The following MARCHF3 variants were observed in gnomAD, a reference collection of about 807,000 sequenced individuals.
MARCHF3 encodes the protein E3 ubiquitin-protein ligase MARCHF3.
A neutral mutation model predicts 24.2 loss-of-function variants in MARCHF3; 13 were observed. The observed-to-expected ratio is 0.54, with a 90% CI of 0.35 to 0.85. The LOEUF (loss-of-function observed/expected upper bound fraction) is 0.85, where lower values mean the gene tolerates loss of function less well. Among genes scored for constraint, MARCHF3 ranks in the 40% least tolerant of loss-of-function variants. MARCHF3 has a pLI of 0.01. For missense variants in MARCHF3, 276 were observed against 325.0 expected, an observed-to-expected ratio of 0.85 and a Z score of 1.16; for synonymous variants, 144 against 137.3, an observed-to-expected ratio of 1.05 and a Z score of -0.34.
In MARCHF3 at chr5:126,869,614, A is replaced by C. The variant is rs1752896491; in HGVS notation, c.*1019T>G. On this transcript the variant is annotated 3_prime_UTR_variant, in exon 5 of 5. Coordinates refer to ENST00000308660, the MANE Select transcript of MARCHF3 (RefSeq NM_178450.5). ...TTTTTTTTTTTTTTTTGCCACATCTACCTGTCAAGCTAGAAATTCAATAGA... is the reference window on the plus strand; with the variant it reads ...TTTTTTTTTTTTTTTTGCCACATCTCCCTGTCAAGCTAGAAATTCAATAGA... 9.6e-6 allele frequency: 1 copy of C among 103,932 alleles called. No individual in the cohort carries two copies. Among genetic ancestry groups the C allele is most frequent in the African/African-American group, 4.3e-5 (1 of 23,466 alleles). 6.4% of individuals were successfully genotyped at this position (103,932 alleles called of 1,614,324 possible). A position where few individuals can be genotyped will look rare whatever the true frequency, so the allele number is the denominator to read the frequency against.
intron 3 of MARCHF3, among the ~76,000 whole-genome samples, chr5:126,910,893 C>T (rs1359028299): frequency 1.3e-5 from 2 of 152,218 alleles, no homozygotes; most frequent in Non-Finnish European, 2.9e-5. Context: ...AGAAATATCG[C>T]TGAATTCTTT....
At chr5:126,997,942 T>A (rs564960306) in intron 1 of MARCHF3, among the ~76,000 whole-genome samples, 2 of 152,160 alleles carry the variant, frequency 1.3e-5, no homozygotes, top group Non-Finnish European at 2.9e-5. Flanking sequence ...AAAGAAAATA[T>A]TGAAGCACTT....
chr5:126,956,832 G>T (rs1041366347), intron 1 of MARCHF3, among the ~76,000 whole-genome samples: 6 of 152,060 alleles, frequency 3.9e-5, no homozygotes, highest in African/African-American at 1.4e-4. Context: ...ATCAGTAGTT[G>T]AACGAAACTG....
intron 3 of MARCHF3, among the ~76,000 whole-genome samples, chr5:126,908,793 C>G (rs4448052): frequency 0.99 from 149,538 of 151,660 alleles, 73,773 homozygotes; most frequent in South Asian, 1. Flanking sequence ...AGAGTAATTC[C>G]ATCGTCTGAA....
rs1455773033 is a variant in MARCHF3, at chr5:127,012,543, A to T, written c.-57+17807T>A. Among the ~76,000 whole-genome samples, 4 of 152,330 alleles carry T rather than the reference A, an allele frequency of 2.6e-5. No individual in the cohort carries two copies. In the Middle Eastern group the frequency reaches 0.014, roughly 518 times the overall value. On this transcript the variant is annotated intron_variant, in intron 1 of 4. Coordinates refer to ENST00000308660, the MANE Select transcript of MARCHF3 (RefSeq NM_178450.5). ...ATCATTAGAGAAGTGAAAATAACTT[A>T]TTAATAATGATAAAAAGAGTAGACA... is the stretch of plus-strand genomic sequence containing the variant.
At chr5:126,978,779 G>A (rs1286455723) in intron 1 of MARCHF3, among the ~76,000 whole-genome samples, 1 of 152,162 alleles carries the variant, frequency 6.6e-6, no homozygotes, top group African/African-American at 2.4e-5. Flanking sequence ...TGGAGCCACT[G>A]CTTTTATGTA....
chr5:127,012,028 C>G (rs1561472679), intron 1 of MARCHF3, among the ~76,000 whole-genome samples: 1 of 152,194 alleles, frequency 6.6e-6, no homozygotes, highest in Non-Finnish European at 1.5e-5. Context: ...CTTTGGACGA[C>G]CAATGCAGCA....
chr5:126,916,432 T>C (rs544082126), intron 2 of MARCHF3, among the ~76,000 whole-genome samples: 8 of 152,268 alleles, frequency 5.3e-5, no homozygotes, highest in Admixed American at 2.0e-4. Flanking sequence ...GGAAGACTGC[T>C]GTTTCCCAAA....
chr5:126,952,850 G>A (rs904680736), intron 1 of MARCHF3, among the ~76,000 whole-genome samples: 3 of 151,968 alleles, frequency 2.0e-5, no homozygotes, highest in East Asian at 1.9e-4. Context: ...TTTATAACGC[G>A]AATTGCCTAT....
chr5:126,935,964 C>T (rs995166768), intron 1 of MARCHF3, among the ~76,000 whole-genome samples: 3 of 152,112 alleles, frequency 2.0e-5, no homozygotes, highest in African/African-American at 7.2e-5. Flanking sequence ...TACACATGCA[C>T]ATATGTCTTT....
At chr5:126,978,482 A>G (rs1751278107) in intron 1 of MARCHF3, among the ~76,000 whole-genome samples, 1 of 152,212 alleles carries the variant, frequency 6.6e-6, no homozygotes, top group African/African-American at 2.4e-5. Context: ...TCATACCTAG[A>G]TAACAGAGAT....
At chr5:126,876,223 A>G (rs1445457025) in intron 4 of MARCHF3, among the ~76,000 whole-genome samples, 4 of 152,158 alleles carry the variant, frequency 2.6e-5, no homozygotes, top group African/African-American at 9.7e-5. Context: ...AGATAAGTGT[A>G]TGCTTTACAA....
chr5:126,994,948 C>A (rs925343247), intron 1 of MARCHF3, among the ~76,000 whole-genome samples: 16 of 152,230 alleles, frequency 1.1e-4, no homozygotes, highest in African/African-American at 3.9e-4. Context: ...AGAAAGCATC[C>A]AGCACGGGAG....
intron 1 of MARCHF3, among the ~76,000 whole-genome samples, chr5:126,997,818 T>C (rs1353840450): frequency 6.6e-6 from 1 of 152,234 alleles, no homozygotes; most frequent in Admixed American, 6.5e-5. Flanking sequence ...TAGGCTTGCC[T>C]GCTACCACTA....
At chr5:127,023,733 A>T (rs866575529) in intron 1 of MARCHF3, among the ~76,000 whole-genome samples, 175 of 141,418 alleles carry the variant, frequency 1.2e-3, no homozygotes, top group African/African-American at 4.4e-3. Context: ...TCTGTCTCAA[A>T]AAATAAATAA....
intron 3 of MARCHF3, among the ~76,000 whole-genome samples, chr5:126,900,073 T>G (rs1561414685): frequency 6.6e-6 from 1 of 152,106 alleles, no homozygotes; most frequent in African/African-American, 2.4e-5. Flanking sequence ...CCTTCCCTCC[T>G]TGCTAACTCT....
At chr5:127,021,269 G>T (rs1166835419) in intron 1 of MARCHF3, among the ~76,000 whole-genome samples, 1 of 151,974 alleles carries the variant, frequency 6.6e-6, no homozygotes, top group African/African-American at 2.4e-5. Flanking sequence ...CTGAGGTGGG[G>T]GTTAGAAATG....
intron 1 of MARCHF3, among the ~76,000 whole-genome samples, chr5:126,923,472 G>T (rs1260067268): frequency 6.6e-6 from 1 of 152,206 alleles, no homozygotes; most frequent in Non-Finnish European, 1.5e-5. Flanking sequence ...GCAGGAGAAT[G>T]TGAGTGCTGG....
At chr5:127,020,234 C>T (rs1263191264) in intron 1 of MARCHF3, among the ~76,000 whole-genome samples, 1 of 152,214 alleles carries the variant, frequency 6.6e-6, no homozygotes, top group Non-Finnish European at 1.5e-5. Flanking sequence ...TATCCAATTA[C>T]AGGAGTTTCA....
Sources: gnomAD v4.1 joint callset for allele counts (sites outside exome capture counted in the v4.1 genomes callset) on GRCh38, gnomAD v4.1.1 for gene constraint, MANE v1.5 for transcripts, NCBI Gene and HGNC (gene_info 2026-07-23, HGNC 2026-07-21) for gene names.